SIPA1L1: variants seen among roughly 807,000 people sequenced by gnomAD.
The protein encoded by SIPA1L1 is signal induced proliferation associated 1 like 1.
SIPA1L1 carries 26 observed loss-of-function variants against 162.7 expected under a neutral mutation model. The observed-to-expected ratio is 0.16, with a 90% confidence interval of 0.12 to 0.22. SIPA1L1 has a LOEUF of 0.22. Ranked by LOEUF, SIPA1L1 falls within the 10% of genes least tolerant of loss-of-function variation. The pLI is 1.00. For synonymous variants in SIPA1L1, 829 were observed against 837.4 expected (o/e 0.99, Z 0.17); for missense variants, 1,874 against 2,241.0 (o/e 0.84, Z 3.31).
Position 71,420,733 on chromosome 14 carries a change from G to A in SIPA1L1, c.-464-92010G>A, listed in dbSNP as rs188461617. On this transcript the variant is annotated intron_variant, in intron 2 of 23. Coordinates refer to ENST00000381232, the MANE Select transcript of SIPA1L1 (RefSeq NM_001386936.1). ...TTCTGTCTGTCTTTCTCCTGCTTTTGTGTTTTTTTTTGTTGGAGTTTCAGA... is the reference window on the plus strand; with the variant it reads ...TTCTGTCTGTCTTTCTCCTGCTTTTATGTTTTTTTTTGTTGGAGTTTCAGA... Among the ~76,000 whole-genome samples, 18 of 151,118 alleles carry A rather than the reference G, an allele frequency of 1.2e-4. No homozygotes were observed. In the East Asian group the frequency reaches 2.7e-3, roughly 23 times the overall value.
chr14:71,428,216 G>A lies in SIPA1L1; in HGVS notation c.-464-84527G>A, dbSNP rs193187955. Among the ~76,000 whole-genome samples the A allele has an allele frequency of 5.2e-3, 790 of 151,620 alleles. 4 individuals are homozygous for A. The highest frequency in any genetic ancestry group is 9.0e-3 in the Non-Finnish European group (612 of 67,848). Reference sequence around the variant, plus strand: ...TTGCCATGTTGGCCAGGCTGGTCTCGAACTCCTGACCTCAGGTGATTCCCC... The same window carrying A: ...TTGCCATGTTGGCCAGGCTGGTCTCAAACTCCTGACCTCAGGTGATTCCCC... On this transcript the variant is annotated intron_variant, in intron 2 of 23. Coordinates refer to ENST00000381232, the MANE Select transcript of SIPA1L1 (RefSeq NM_001386936.1).
rs77728266 is a variant in SIPA1L1 at position 71,656,398 on chromosome 14, C to T, written c.1994-1935C>T. Among the ~76,000 whole-genome samples, 78 of 152,100 alleles carry T rather than the reference C, an allele frequency of 5.1e-4. No individual in the cohort carries two copies. In the South Asian group the frequency reaches 0.013, roughly 26 times the overall value. Reference sequence around the variant, plus strand: ...GACTTGAAACACATGTATAAGTACACGTCAGTGGTGACACATTCACTTTAA... The same window carrying T: ...GACTTGAAACACATGTATAAGTACATGTCAGTGGTGACACATTCACTTTAA... On this transcript the variant is annotated intron_variant, in intron 8 of 23. Transcript: ENST00000381232.
chr14:71,625,071 A>G (rs189190446), intron 7 of SIPA1L1, among the ~76,000 whole-genome samples: 130 of 152,224 alleles, frequency 8.5e-4, no homozygotes, highest in African/African-American at 3.0e-3. Flanking sequence ...AAATTGGTTC[A>G]GGTAGTTTAT....
chr14:71,689,844 C>A (rs2149634641), intron 13 of SIPA1L1, among the ~76,000 whole-genome samples: 1 of 152,268 alleles, frequency 6.6e-6, no homozygotes, highest in South Asian at 2.1e-4. Flanking sequence ...CAGCCTCCCT[C>A]CCTCCTTCCT....
chr14:71,510,177 C>CTTTTTTTTTTTTTTTT (rs985233367), intron 2 of SIPA1L1, among the ~76,000 whole-genome samples: 1 of 77,468 alleles, frequency 1.3e-5, no homozygotes, highest in Non-Finnish European at 2.2e-5. Context: ...TCCCCCCCAC[C>CTTTTTTTTTTTTTTTT]TTTTTTTTTT....
chr14:71,738,181 AAAAAAC>A, intron 22 of SIPA1L1, 54 bp from the exon 23 acceptor site: 58 of 882,984 alleles, frequency 6.6e-5, no homozygotes, highest in Admixed American at 2.5e-4. Flanking sequence ...AAAAAAAAAA[AAAAAAC>A]AAACCCAGCC....
chr14:71,479,192 C>T (rs1240324108), intron 2 of SIPA1L1, among the ~76,000 whole-genome samples: 1 of 152,102 alleles, frequency 6.6e-6, no homozygotes, highest in Non-Finnish European at 1.5e-5. Context: ...AGCCTGCTAT[C>T]GTTTACTTTT....
chr14:71,574,126 A>G (rs1311287771), intron 4 of SIPA1L1: 2 of 200,086 alleles, frequency 1.0e-5, no homozygotes, highest in East Asian at 1.4e-4. Flanking sequence ...AATTTCCTGT[A>G]GTAATCCCAA....
At chr14:71,495,847 C>T (rs1267822364) in intron 2 of SIPA1L1, among the ~76,000 whole-genome samples, 3 of 126,028 alleles carry the variant, frequency 2.4e-5, no homozygotes, top group African/African-American at 6.3e-5. Flanking sequence ...GCCAGGAGTT[C>T]GAGACCAGCC....
intron 3 of SIPA1L1, among the ~76,000 whole-genome samples, chr14:71,514,510 A>G (rs1372724285): frequency 6.6e-6 from 1 of 152,170 alleles, no homozygotes; most frequent in African/African-American, 2.4e-5. Context: ...TTTCCTATCT[A>G]TAGGGAGACT....
intron 7 of SIPA1L1, among the ~76,000 whole-genome samples, chr14:71,637,733 TAAG>T (rs1352083327): frequency 2.6e-5 from 4 of 151,012 alleles, no homozygotes; most frequent in Non-Finnish European, 4.4e-5. Flanking sequence ...AAAAAAAAAA[TAAG>T]AACTTTATCA....
At chr14:71,485,613 T>G (rs1360999521) in intron 2 of SIPA1L1, among the ~76,000 whole-genome samples, 1 of 152,130 alleles carries the variant, frequency 6.6e-6, no homozygotes, top group Non-Finnish European at 1.5e-5. Context: ...GGGCTCCCAC[T>G]GACTCTACAT....
intron 5 of SIPA1L1, chr14:71,598,323 G>C: frequency 1.6e-6 from 1 of 620,924 alleles, no homozygotes; most frequent in Non-Finnish European, 2.0e-6. Flanking sequence ...GGATTTGCAT[G>C]ATCTCCAGGT....
chr14:71,378,143 G>A (rs949718696), intron 2 of SIPA1L1, among the ~76,000 whole-genome samples: 29 of 151,720 alleles, frequency 1.9e-4, no homozygotes, highest in African/African-American at 5.6e-4. Flanking sequence ...AAAGTGTGTC[G>A]GTTTTGTTGA....
chr14:71,464,375 G>T (rs1038827533), intron 2 of SIPA1L1, among the ~76,000 whole-genome samples: 1 of 152,218 alleles, frequency 6.6e-6, no homozygotes, highest in Non-Finnish European at 1.5e-5. Context: ...AGGCATGGCA[G>T]CTCACGCCTG....
intron 2 of SIPA1L1, among the ~76,000 whole-genome samples, chr14:71,347,813 A>G (rs2140524506): frequency 6.6e-6 from 1 of 152,108 alleles, no homozygotes; most frequent in East Asian, 1.9e-4. Context: ...GTCTGTTTAC[A>G]TTTTTTGCCC....
chr14:71,699,005 T>C lies in SIPA1L1; in HGVS notation c.3399T>C (p.Tyr1133=). 1.2e-6 allele frequency: 2 copies of C among 1,614,284 alleles called. No homozygotes were observed. Among genetic ancestry groups the C allele is most frequent in the African/African-American group, 2.7e-5 (2 of 75,074 alleles). The change falls in exon 14 of 24, where the codon TAT becomes TAC. Residue 1133 remains tyrosine, a synonymous_variant. Transcript: ENST00000381232. ...ERRLSPGSDI[Y]VTVSSMALAR... The stretch of plus-strand genomic sequence containing the variant: ...GGCTGTCTCCTGGTTCGGACATCTA[T>C]GTGACGGTCTCATCCATGGCTTTAG...
chr14:71,348,294 C>T (rs2036368046), intron 2 of SIPA1L1, among the ~76,000 whole-genome samples: 1 of 152,158 alleles, frequency 6.6e-6, no homozygotes, highest in South Asian at 2.1e-4. Context: ...AAGATAACAG[C>T]TCTTTTGATT....
chr14:71,523,399 A>G (rs2052553673), intron 3 of SIPA1L1, among the ~76,000 whole-genome samples: 1 of 152,056 alleles, frequency 6.6e-6, no homozygotes, highest in South Asian at 2.1e-4. Context: ...TAAAAAAAAA[A>G]AGTTAGATAT....
Sources: gnomAD v4.1 joint callset for allele counts (sites outside exome capture counted in the v4.1 genomes callset) on GRCh38, gnomAD v4.1.1 for gene constraint, MANE v1.5 for transcripts, NCBI Gene and HGNC (gene_info 2026-07-23, HGNC 2026-07-21) for gene names.